The following CREB3L1 variants were observed in gnomAD, a reference collection of about 807,000 sequenced individuals.
CREB3L1 encodes cAMP responsive element binding protein 3 like 1.
A neutral mutation model predicts 54.5 loss-of-function variants in CREB3L1; 33 were observed. The ratio of observed to expected loss-of-function variants is 0.61; its 90% confidence interval spans 0.46 to 0.81. CREB3L1 has a LOEUF of 0.81. Ranked by LOEUF, CREB3L1 falls within the 30% of genes least tolerant of loss-of-function variation. The probability of loss-of-function intolerance (pLI) is 0.00; values close to 1 mark genes in which losing one functional copy is unlikely to be tolerated. For missense variants in CREB3L1, 656 were observed against 673.3 expected, an observed-to-expected ratio of 0.97 and a Z score of 0.29; for synonymous variants, 284 against 286.4, an observed-to-expected ratio of 0.99 and a Z score of 0.08.
At chr11:46,281,651 G>A (rs942407396) in intron 1 of CREB3L1, among the ~76,000 whole-genome samples, 3 of 152,170 alleles carry the variant, frequency 2.0e-5, no homozygotes, top group Non-Finnish European at 2.9e-5. Context: ...AAGGCTGATC[G>A]CTACTCCCCA....
rs571326934 is a variant in CREB3L1 at position 46,295,286 on chromosome 11, G to C, written c.103-4649G>C. 1.3e-5 allele frequency: 2 copies of C among 152,918 alleles called. No individual in the cohort carries two copies. The highest frequency in any genetic ancestry group is 4.8e-5 in the African/African-American group (2 of 41,580). The allele number at this position is 152,918 out of a possible 1,614,324, so 9.5% of individuals were successfully genotyped here. A position where few individuals can be genotyped will look rare whatever the true frequency, so the allele number is the denominator to read the frequency against. ...AGAGCTGGTACCATTACTGCCCCGG[G>C]AGAGTCCCCTCTGCCGCCACCAGAG... On this transcript the variant is annotated intron_variant, in intron 1 of 11. Coordinates refer to ENST00000621158, the MANE Select transcript of CREB3L1 (RefSeq NM_052854.4). This position sits in a 1 kb window ranked among gnomAD's most constrained non-coding sequence, Gnocchi z 4.6.
At chr11:46,312,998 C>G in intron 8 of CREB3L1, 79 bp downstream of exon 8, 1 of 1,095,508 alleles carries the variant, frequency 9.1e-7, no homozygotes, top group Non-Finnish European at 1.3e-6. Context: ...CTCTGGGAGA[C>G]AGGGGAGAGG....
intron 2 of CREB3L1, among the ~76,000 whole-genome samples, chr11:46,300,419 A>G (rs1206173834): frequency 6.6e-6 from 1 of 152,244 alleles, no homozygotes; most frequent in African/African-American, 2.4e-5. Context: ...GACCAGCAGC[A>G]TCACCTGGGA....
intron 1 of CREB3L1, among the ~76,000 whole-genome samples, chr11:46,285,549 C>T (rs1049603164): frequency 6.6e-6 from 1 of 152,148 alleles, no homozygotes; most frequent in African/African-American, 2.4e-5. Flanking sequence ...TTTGGAATGT[C>T]AAAGATCTTG....
chr11:46,299,920 C>A lies in CREB3L1; in HGVS notation c.103-15C>A. 6.2e-7 allele frequency: 1 copy of A among 1,602,528 alleles called. No individual in the cohort carries two copies. Among genetic ancestry groups the A allele is most frequent in the Non-Finnish European group, 8.5e-7 (1 of 1,169,884 alleles). ...AAGCTGAATTCCCTCTTCCCCTCAC[C>A]TCTTCCTTCCCTAGCACTTTCCTGA... On this transcript the variant is annotated splice_polypyrimidine_tract_variant and intron_variant, in intron 1 of 11. Coordinates refer to ENST00000621158, the MANE Select transcript of CREB3L1 (RefSeq NM_052854.4).
rs1939500219 is a variant in CREB3L1 at position 46,312,459 on chromosome 11, G to A, written c.888G>A (p.Arg296=). The part of the protein sequence containing the change: ...AEEKALKRVR[R]KIKNKISAQE... ...AGAAGGCCTTGAAGAGAGTCCGGAG[G>A]AAAATCAAGAACAAGGTAAAGCCTG... The change falls in exon 6 of 12, where the codon AGG becomes AGA. Residue 296 remains arginine, a synonymous_variant. Coordinates refer to ENST00000621158, the MANE Select transcript of CREB3L1 (RefSeq NM_052854.4). The A allele has an allele frequency of 6.2e-7, 1 of 1,613,620 alleles. No individual in the cohort carries two copies. Among genetic ancestry groups the A allele is most frequent in the Non-Finnish European group, 8.5e-7 (1 of 1,179,730 alleles).
intron 1 of CREB3L1, among the ~76,000 whole-genome samples, chr11:46,289,915 G>C (rs948779812): frequency 6.6e-6 from 1 of 152,176 alleles, no homozygotes; most frequent in African/African-American, 2.4e-5. Flanking sequence ...CTCAGTGCTA[G>C]GAGGCCTGCG....
rs1394315101 is a variant in CREB3L1, at chr11:46,278,147, G to A, written c.36G>A (p.Arg12=). 6.4e-7 allele frequency: 1 copy of A among 1,569,768 alleles called. No homozygotes were observed. The highest frequency in any genetic ancestry group is 1.8e-5 in the Admixed American group (1 of 54,118). ...TCTTGGAACCCTTCCCGGCCGACAGGCTGTTCCCCGGATCCAGCTTCCTGG... is the reference window on the plus strand; with the variant it reads ...TCTTGGAACCCTTCCCGGCCGACAGACTGTTCCCCGGATCCAGCTTCCTGG... The part of the protein sequence containing the change: ...DAVLEPFPAD[R]LFPGSSFLDL... Residue 12 remains arginine, a synonymous_variant, in exon 1 of 12, where the codon AGG becomes AGA. Transcript: ENST00000621158. The surrounding 1 kb of genome is among the most constrained non-coding windows in gnomAD (Gnocchi z 4.2).
chr11:46,299,890 A>T, intron 1 of CREB3L1, 45 bp from the exon 2 acceptor site: 1 of 1,490,998 alleles, frequency 6.7e-7, no homozygotes, highest in Non-Finnish European at 9.3e-7. Context: ...CCCCCTTCCC[A>T]AGCAAAGCTG....
chr11:46,280,630 C>T (rs978875731), intron 1 of CREB3L1, among the ~76,000 whole-genome samples: 9 of 152,156 alleles, frequency 5.9e-5, no homozygotes, highest in African/African-American at 1.4e-4. Flanking sequence ...TAACGTTCAT[C>T]GTTGGCTTGA....
intron 1 of CREB3L1, among the ~76,000 whole-genome samples, chr11:46,296,766 G>T (rs1021105666): frequency 6.6e-6 from 1 of 151,600 alleles, no homozygotes; most frequent in African/African-American, 2.4e-5. Context: ...CCCCTTGGCC[G>T]CCCTCCCCTT....
intron 2 of CREB3L1, among the ~76,000 whole-genome samples, 174 bp from the exon 3 acceptor site, chr11:46,307,642 C>T (rs1246251805): frequency 2.0e-5 from 3 of 152,268 alleles, no homozygotes; most frequent in Middle Eastern, 3.4e-3. Flanking sequence ...AGGATGTCCT[C>T]ACCTCTTCTG....
At chr11:46,320,618 A>C in intron 11 of CREB3L1, 90 bp downstream of exon 11, 3 of 1,550,784 alleles carry the variant, frequency 1.9e-6, no homozygotes, top group Non-Finnish European at 2.6e-6. Context: ...ACACCCTCCC[A>C]AGGCCCCATC....
At chr11:46,319,803 C>A (rs1300622430) in intron 10 of CREB3L1, among the ~76,000 whole-genome samples, 1 of 150,918 alleles carries the variant, frequency 6.6e-6, no homozygotes, top group Non-Finnish European at 1.5e-5. Flanking sequence ...CGCTTGAGCT[C>A]GGGAGGCGGA....
chr11:46,305,864 A>T (rs1314079873), intron 2 of CREB3L1, among the ~76,000 whole-genome samples: 2 of 150,314 alleles, frequency 1.3e-5, no homozygotes, highest in African/African-American at 4.9e-5. Context: ...CAGCGTCCCG[A>T]GTAGCTGGGA....
intron 1 of CREB3L1, among the ~76,000 whole-genome samples, chr11:46,279,123 GC>G (rs1938929685): frequency 6.6e-6 from 1 of 152,114 alleles, no homozygotes; most frequent in Non-Finnish European, 1.5e-5. Context: ...TCTAGTGGGA[GC>G]CCCCTCTTCA....
In CREB3L1 at chr11:46,277,937, G is replaced by T; in HGVS notation, c.-175G>T. ...AGCCGCTGCCCTAAGGCCCCCGCGC[G>T]CCCCGCGCCCCCCACCCGGGGCCGC... On this transcript the variant is annotated 5_prime_UTR_variant, in exon 1 of 12. Coordinates refer to ENST00000621158, the MANE Select transcript of CREB3L1 (RefSeq NM_052854.4). The T allele has an allele frequency of 2.5e-6, 1 of 399,374 alleles. No individual in the cohort carries two copies. 24.7% of individuals were successfully genotyped at this position (399,374 alleles called of 1,614,324 possible).
At position 46,289,162 on chromosome 11, in the gene CREB3L1, G is replaced by A. The variant is rs1939099225; in HGVS notation, c.103-10773G>A. Among the ~76,000 whole-genome samples, 3 of 152,152 alleles carry A rather than the reference G, an allele frequency of 2.0e-5. No individual in the cohort carries two copies. In the South Asian group the frequency reaches 6.2e-4, roughly 31 times the overall value. On this transcript the variant is annotated intron_variant, in intron 1 of 11. Coordinates refer to ENST00000621158, the MANE Select transcript of CREB3L1 (RefSeq NM_052854.4). Reference sequence around the variant, plus strand: ...GGAGGCTGAGGCAGGCGGATCACTTGAGGTCAGGAGTTCAAGACCAACCTG... The same window carrying A: ...GGAGGCTGAGGCAGGCGGATCACTTAAGGTCAGGAGTTCAAGACCAACCTG...
intron 1 of CREB3L1, among the ~76,000 whole-genome samples, chr11:46,286,499 C>A (rs928749740): frequency 6.6e-6 from 1 of 152,166 alleles, no homozygotes. Context: ...ACTTACCCAG[C>A]TTAAGAATCA....
Sources: gnomAD v4.1 joint callset for allele counts (sites outside exome capture counted in the v4.1 genomes callset) on GRCh38, gnomAD v4.1.1 for gene constraint, Gnocchi (gnomAD v3.1) non-coding constraint, MANE v1.5 for transcripts, NCBI Gene and HGNC (gene_info 2026-07-23, HGNC 2026-07-21) for gene names.